Variants in CPQ observed in about 807,000 individuals in gnomAD.
The protein encoded by CPQ is carboxypeptidase Q.
In CPQ, 37 loss-of-function variants were observed where a neutral mutation model predicts 45.7. The observed-to-expected ratio is 0.81, with a 90% CI of 0.62 to 1.07. CPQ has a LOEUF of 1.07. Among genes scored for constraint, CPQ ranks in the 50% least tolerant of loss-of-function variants. CPQ has a pLI of 0.00. For missense variants in CPQ, 537 were observed against 572.9 expected (o/e 0.94, Z 0.64); for synonymous variants, 186 against 205.8 (o/e 0.90, Z 0.82).
intron 1 of CPQ, among the ~76,000 whole-genome samples, chr8:96,770,698 T>C (rs1229143639): frequency 1.4e-5 from 2 of 146,994 alleles, no homozygotes; most frequent in African/African-American, 4.9e-5. Flanking sequence ...ATGAGTGTTA[T>C]TTTATATATA....
chr8:96,747,633 A>G (rs1298417621), intron 1 of CPQ, among the ~76,000 whole-genome samples: 3 of 152,210 alleles, frequency 2.0e-5, no homozygotes, highest in African/African-American at 7.2e-5. Context: ...GGTTCTAATT[A>G]TGGAGCGTCT....
Position 96,995,172 on chromosome 8 carries a change from G to T in CPQ, c.961+29126G>T, listed in dbSNP as rs551153872. Among the ~76,000 whole-genome samples the T allele has an allele frequency of 2.0e-5, 3 of 152,096 alleles. No individual in the cohort carries two copies. The South Asian group carries it at 6.2e-4, about 32-fold the overall frequency. On this transcript the variant is annotated intron_variant, in intron 5 of 7. Coordinates refer to ENST00000220763, the MANE Select transcript of CPQ (RefSeq NM_016134.4). ...CTTGGGAATTTACCAACTAATCTCT[G>T]CCTCAACTTACAACTCTGTTAAATG...
chr8:96,849,470 A>G (rs957664325), intron 3 of CPQ, among the ~76,000 whole-genome samples: 6 of 152,180 alleles, frequency 3.9e-5, no homozygotes, highest in Non-Finnish European at 8.8e-5. Context: ...CCCGGGACAC[A>G]TTCCTGTACC....
chr8:97,139,037 A>T (rs1812109874), intron 7 of CPQ, among the ~76,000 whole-genome samples: 1 of 152,178 alleles, frequency 6.6e-6, no homozygotes, highest in Admixed American at 6.5e-5. Flanking sequence ...AGAAACTCCT[A>T]AAAGTATGAG....
chr8:96,953,144 A>G (rs1362933911), intron 4 of CPQ, among the ~76,000 whole-genome samples: 4 of 152,110 alleles, frequency 2.6e-5, no homozygotes, highest in Non-Finnish European at 2.9e-5. Context: ...AACAATACTA[A>G]TATCACAGGA....
intron 7 of CPQ, among the ~76,000 whole-genome samples, chr8:97,138,934 C>G (rs1213868442): frequency 6.6e-6 from 1 of 151,134 alleles, no homozygotes; most frequent in Non-Finnish European, 1.5e-5. Flanking sequence ...AAAATCAACC[C>G]AAAAGAAGGC....
Position 96,835,115 on chromosome 8 carries a change from G to A in CPQ, c.576G>A (p.Val192=), listed in dbSNP as rs754882648. The A allele has an allele frequency of 1.3e-6, 2 of 1,594,234 alleles. No individual in the cohort carries two copies. The highest frequency in any genetic ancestry group is 1.7e-6 in the Non-Finnish European group (2 of 1,169,426). ...TGCAATACCGAACGCAGGGGGCGGT[G>A]GAAGCTGCCAAGGTGGGGGCTTTGG... ...RTVQYRTQGA[V]EAAKVGALAS... is the part of the protein sequence containing the mutation. The change falls in exon 3 of 8, where the codon GTG becomes GTA. Residue 192 remains valine, a synonymous_variant. Transcript: ENST00000220763.
At chr8:96,712,481 A>G (rs981911766) in intron 1 of CPQ, among the ~76,000 whole-genome samples, 4 of 152,134 alleles carry the variant, frequency 2.6e-5, no homozygotes, top group African/African-American at 9.7e-5. Flanking sequence ...AGGTGTTTCC[A>G]TACATCCTCT....
intron 4 of CPQ, among the ~76,000 whole-genome samples, chr8:96,939,289 A>T (rs1813094147): frequency 6.6e-6 from 1 of 152,170 alleles, no homozygotes; most frequent in Admixed American, 6.6e-5. Flanking sequence ...ATGAGAATCT[A>T]ATGCTGCCAC....
At position 96,762,025 on chromosome 8, in the gene CPQ, G is replaced by A. The variant is rs540249429; in HGVS notation, c.-34-22839G>A. On this transcript the variant is annotated intron_variant, in intron 1 of 7. Transcript: ENST00000220763. ...AGGAGTATGTGTGTCTGGCATGGGA[G>A]CTTGCCAAGAATATTTGCTCAATAG... Among the ~76,000 whole-genome samples the A allele has an allele frequency of 2.5e-4, 38 of 152,290 alleles. 1 individual carries two copies. The South Asian group carries it at 7.7e-3, about 31-fold the overall frequency.
At chr8:96,845,348 T>A (rs1426422752) in intron 3 of CPQ, among the ~76,000 whole-genome samples, 1 of 152,228 alleles carries the variant, frequency 6.6e-6, no homozygotes, top group Non-Finnish European at 1.5e-5. Context: ...CATTGTATTC[T>A]CAGTACCTAG....
At chr8:96,686,380 T>A (rs1809227827) in intron 1 of CPQ, among the ~76,000 whole-genome samples, 1 of 152,172 alleles carries the variant, frequency 6.6e-6, no homozygotes, top group African/African-American at 2.4e-5. Flanking sequence ...TTTTTCTTGG[T>A]ATAGTACATG....
At chr8:96,965,570 C>T (rs1293389569) in intron 4 of CPQ, among the ~76,000 whole-genome samples, 1 of 152,004 alleles carries the variant, frequency 6.6e-6, no homozygotes, top group Non-Finnish European at 1.5e-5. Context: ...AGGGTTTCAC[C>T]GTGTTAACCA....
chr8:96,908,013 GT>G (rs1166295789), intron 4 of CPQ, among the ~76,000 whole-genome samples: 1 of 151,910 alleles, frequency 6.6e-6, no homozygotes, highest in African/African-American at 2.4e-5. Flanking sequence ...GAGTTCACAG[GT>G]TTTTAACATT....
intron 3 of CPQ, 120 bp downstream of exon 3, chr8:96,835,300 C>A: frequency 1.4e-6 from 1 of 723,426 alleles, no homozygotes; most frequent in Admixed American, 4.0e-5. Flanking sequence ...TGGAGTTTCC[C>A]CCCCAAACAC....
At chr8:96,786,951 A>G (rs1775671026) in intron 2 of CPQ, among the ~76,000 whole-genome samples, 1 of 151,918 alleles carries the variant, frequency 6.6e-6, no homozygotes, top group Admixed American at 6.6e-5. Context: ...TGATTTACTA[A>G]TGTTCTCTCC....
intron 3 of CPQ, among the ~76,000 whole-genome samples, chr8:96,848,361 A>G (rs1039923037): frequency 1.3e-5 from 2 of 152,230 alleles, no homozygotes; most frequent in African/African-American, 4.8e-5. Context: ...TTTATTTACA[A>G]TAGGGAAGAA....
chr8:96,845,442 C>G (rs1271228392), intron 3 of CPQ, among the ~76,000 whole-genome samples: 1 of 152,080 alleles, frequency 6.6e-6, no homozygotes, highest in Non-Finnish European at 1.5e-5. Context: ...CAATAGAGAA[C>G]CAATTAAACA....
chr8:96,744,623 T>A (rs1259865415), intron 1 of CPQ, among the ~76,000 whole-genome samples: 1 of 152,226 alleles, frequency 6.6e-6, no homozygotes, highest in Non-Finnish European at 1.5e-5. Context: ...CTAATAAAAC[T>A]GTACCAGTTT....
Sources: allele counts gnomAD v4.1 joint callset (sites outside exome capture counted in the v4.1 genomes callset), GRCh38; gene constraint gnomAD v4.1.1; transcripts MANE v1.5; gene names NCBI Gene and HGNC (gene_info 2026-07-23, HGNC 2026-07-21).